The following GPHN variants were observed in gnomAD, a reference collection of about 807,000 sequenced individuals.
GPHN encodes gephyrin.
Under a neutral mutation model 95.5 loss-of-function variants are expected in GPHN, and 17 were observed. That is an observed-to-expected ratio of 0.18 (90% confidence interval 0.12 to 0.27). The LOEUF (loss-of-function observed/expected upper bound fraction) is 0.27, where lower values mean the gene tolerates loss of function less well. Ranked by LOEUF, GPHN falls within the 10% of genes least tolerant of loss-of-function variation. The pLI is 1.00. For missense variants in GPHN, 660 were observed against 978.1 expected (o/e 0.67, Z 4.34); for synonymous variants, 320 against 322.5 (o/e 0.99, Z 0.08).
chr14:66,537,574 A>G (rs567853079), intron 1 of GPHN, among the ~76,000 whole-genome samples: 1 of 152,190 alleles, frequency 6.6e-6, no homozygotes, highest in East Asian at 1.9e-4. Flanking sequence ...TATGATACAA[A>G]CCACATAATT....
chr14:67,491,879 G>T, the GPHN span, among the ~76,000 whole-genome samples: 1 of 152,222 alleles, frequency 6.6e-6, no homozygotes, highest in Admixed American at 6.5e-5. Flanking sequence ...AGGAAGCAAG[G>T]AGAGGCCCAG....
At chr14:67,600,103 G>A in the GPHN span, 9 of 1,596,598 alleles carry the variant, frequency 5.6e-6, no homozygotes, top group South Asian at 6.8e-5. Context: ...CGAGAGCCGA[G>A]GGCAGCTGAG....
the GPHN span, among the ~76,000 whole-genome samples, chr14:67,425,834 A>G: frequency 2.0e-5 from 3 of 151,960 alleles, no homozygotes; most frequent in African/African-American, 7.3e-5. Context: ...GTCTCTGCTG[A>G]TCTGATAGTA....
chr14:66,970,383 T>C (rs1234807489), intron 9 of GPHN, among the ~76,000 whole-genome samples: 5 of 152,234 alleles, frequency 3.3e-5, no homozygotes, highest in Non-Finnish European at 5.9e-5. Context: ...AAAGGCAGTG[T>C]GAATTCCTTT....
intron 1 of GPHN, among the ~76,000 whole-genome samples, chr14:66,580,242 A>G (rs7161397): frequency 0.34 from 51,788 of 151,632 alleles, 13,401 homozygotes; most frequent in African/African-American, 0.7. Context: ...GTTTATAGCA[A>G]CAGATGCCTA....
intron 9 of GPHN, chr14:66,969,421 T>G (rs1187218142): frequency 2.0e-5 from 3 of 152,230 alleles, no homozygotes; most frequent in Non-Finnish European, 4.4e-5. Flanking sequence ...CTGTAATTGA[T>G]AAATTCTCTT....
At chr14:66,638,386 A>T (rs1488320968) in intron 1 of GPHN, among the ~76,000 whole-genome samples, 1 of 151,996 alleles carries the variant, frequency 6.6e-6, no homozygotes, top group Non-Finnish European at 1.5e-5. Context: ...GTGAGCTGAG[A>T]TGGCACCATT....
the GPHN span, among the ~76,000 whole-genome samples, chr14:67,273,316 C>A: frequency 6.6e-6 from 1 of 151,844 alleles, no homozygotes. Context: ...TGTTCCCCAC[C>A]CTGTGTCCAA....
the GPHN span, among the ~76,000 whole-genome samples, chr14:67,637,667 C>T: frequency 6.6e-6 from 1 of 152,110 alleles, no homozygotes; most frequent in Non-Finnish European, 1.5e-5. Context: ...GGAGAAAGCT[C>T]TTAAGAGGTG....
chr14:67,653,508 GA>G, the GPHN span: 4 of 1,611,456 alleles, frequency 2.5e-6, no homozygotes, highest in Admixed American at 1.7e-5. Flanking sequence ...GCTGAGAAGA[GA>G]AAATAGTGAT....
chr14:66,689,629 A>C (rs2067643918), intron 2 of GPHN, among the ~76,000 whole-genome samples: 2 of 152,132 alleles, frequency 1.3e-5, no homozygotes, highest in Admixed American at 6.6e-5. Flanking sequence ...ATTGATTTTA[A>C]TTCTGCTTTA....
rs543040970 is a variant in GPHN, at chr14:66,725,297, C to T, written c.143+44112C>T. Among the ~76,000 whole-genome samples, 6 of 152,284 alleles carry T rather than the reference C, an allele frequency of 3.9e-5. No homozygotes were observed. The South Asian group carries it at 1.2e-3, about 32-fold the overall frequency. The stretch of plus-strand genomic sequence containing the variant: ...CCAAGCTGAAATGTTGGACACCTGT[C>T]AAGTTTAAGGTGTATGTAATTGCTT... On this transcript the variant is annotated intron_variant, in intron 2 of 22. Transcript: ENST00000478722.
At chr14:67,084,991 C>G (rs1018130310) in intron 11 of GPHN, among the ~76,000 whole-genome samples, 2 of 152,230 alleles carry the variant, frequency 1.3e-5, no homozygotes, top group Non-Finnish European at 2.9e-5. Context: ...TAAACTAGCA[C>G]TGCAGAATTA....
chr14:67,482,527 G>A, the GPHN span, among the ~76,000 whole-genome samples: 6 of 152,122 alleles, frequency 3.9e-5, no homozygotes, highest in African/African-American at 7.2e-5. Context: ...CCCATCCCCA[G>A]CCACCCCCAT....
the GPHN span, among the ~76,000 whole-genome samples, chr14:67,438,176 T>C: frequency 6.6e-6 from 1 of 152,172 alleles, no homozygotes; most frequent in Admixed American, 6.5e-5. Context: ...ATGTTTTGTC[T>C]CATCCCTAAT....
chr14:67,663,195 G>A, the GPHN span: 1 of 1,518,074 alleles, frequency 6.6e-7, no homozygotes. Context: ...TCTCCCCTTT[G>A]AACAAAAATA....
chr14:66,619,647 C>T (rs895891414), intron 1 of GPHN, among the ~76,000 whole-genome samples: 1 of 152,110 alleles, frequency 6.6e-6, no homozygotes, highest in Non-Finnish European at 1.5e-5. Flanking sequence ...AATATTTACA[C>T]ACAGTCTTTG....
At chr14:67,371,960 T>C in the GPHN span, among the ~76,000 whole-genome samples, 1 of 152,156 alleles carries the variant, frequency 6.6e-6, no homozygotes, top group Non-Finnish European at 1.5e-5. Context: ...GCCAGTTTGG[T>C]TTAACAGTCA....
At chr14:67,655,827 G>C in the GPHN span, among the ~76,000 whole-genome samples, 17 of 152,164 alleles carry the variant, frequency 1.1e-4, no homozygotes, top group African/African-American at 4.1e-4. Context: ...CTGTAATCTT[G>C]TAAGTGTAGA....
Sources: allele counts gnomAD v4.1 joint callset (sites outside exome capture counted in the v4.1 genomes callset), GRCh38; gene constraint gnomAD v4.1.1; transcripts MANE v1.5; gene names NCBI Gene and HGNC (gene_info 2026-07-23, HGNC 2026-07-21).